The following ASB15 variants were observed in gnomAD, a reference collection of about 807,000 sequenced individuals.
The protein encoded by ASB15 is ankyrin repeat and SOCS box containing 15, also known as ankyrin repeat and SOCS box protein 15.
In ASB15, 54 loss-of-function variants were observed where a neutral mutation model predicts 58.0. The ratio of observed to expected loss-of-function variants is 0.93; its 90% CI spans 0.75 to 1.17. ASB15 has a LOEUF of 1.17. Among genes scored for constraint, ASB15 ranks in the 50% most tolerant of loss-of-function variants. The pLI, the probability that ASB15 is intolerant of heterozygous loss-of-function variation, is 0.00. For synonymous variants in ASB15, 249 were observed against 262.4 expected (o/e 0.95, Z 0.50); for missense variants, 680 against 707.4 (o/e 0.96, Z 0.44).
At chr7:123,580,551 T>C (rs554983485) in intron 1 of ASB15, among the ~76,000 whole-genome samples, 1 of 152,162 alleles carries the variant, frequency 6.6e-6, no homozygotes, top group African/African-American at 2.4e-5. Flanking sequence ...TTTGCAAGAA[T>C]GCCATGAGGT....
Position 123,627,120 on chromosome 7 carries a change from G to A in ASB15, c.708G>A (p.Val236=), listed in dbSNP as rs762256782. ...GTTTTATACTGCCAGGTGGTGATGT[G>A]CTTGCTTTGGCGGATGATGGGGCGT... ...LEHLIHKGGD[V]LALADDGASV... Residue 236 remains valine (V), a synonymous_variant, in exon 9 of 12, where the codon GTG becomes GTA. Transcript: ENST00000451215. 1 of 1,613,022 alleles carries A rather than the reference G, an allele frequency of 6.2e-7. No individual in the cohort carries two copies. The highest frequency in any genetic ancestry group is 2.2e-5 in the East Asian group (1 of 44,860).
intron 6 of ASB15, among the ~76,000 whole-genome samples, chr7:123,617,214 A>G (rs1800875778): frequency 6.6e-6 from 1 of 152,212 alleles, no homozygotes; most frequent in South Asian, 2.1e-4. Context: ...ACATTCAAGT[A>G]CATTCTCCAT....
chr7:123,627,717 T>C (rs913825418), intron 9 of ASB15, among the ~76,000 whole-genome samples: 1 of 152,224 alleles, frequency 6.6e-6, no homozygotes, highest in Non-Finnish European at 1.5e-5. Flanking sequence ...ATGTCAAATG[T>C]ATTGTTGAAT....
At chr7:123,613,007 G>A (rs1306186877) in intron 3 of ASB15, among the ~76,000 whole-genome samples, 1 of 151,900 alleles carries the variant, frequency 6.6e-6, no homozygotes, top group Non-Finnish European at 1.5e-5. Context: ...AGATACCACA[G>A]TGTCAGGGAA....
chr7:123,616,159 T>C, intron 4 of ASB15, 62 bp from the exon 5 acceptor site: 1 of 1,314,698 alleles, frequency 7.6e-7, no homozygotes, highest in South Asian at 1.3e-5. Flanking sequence ...AATTAAAATG[T>C]TTGGTTCCTT....
Position 123,630,119 on chromosome 7 carries a change from G to A in ASB15, c.1594G>A (p.Glu532Lys), listed in dbSNP as rs2116657354. ...ATGGCCAGAAATCCGCCAAATACTA[G>A]GTAAAAACCAAAAGTTTTGCCTACA... ...REWPEIRQIL[E>K]NPCSLKHLCR... is the part of the protein sequence containing the mutation. Residue 532 changes from glutamate to lysine, a missense_variant and splice_region_variant, in exon 11 of 12, where the codon GAG becomes AAG. Glu to Lys is a moderately conservative substitution (Grantham distance 56). Coordinates refer to ENST00000451215, the MANE Select transcript of ASB15 (RefSeq NM_001290258.2). 6.4e-7 allele frequency: 1 copy of A among 1,562,362 alleles called. No individual in the cohort carries two copies. The highest frequency in any genetic ancestry group is 8.7e-7 in the Non-Finnish European group (1 of 1,152,534).
At position 123,580,836 on chromosome 7, in the gene ASB15, A is replaced by G. The variant is rs183814579; in HGVS notation, c.-443+13748A>G. 1.4e-4 allele frequency among the ~76,000 whole-genome samples: 21 copies of G among 152,160 alleles called. No individual in the cohort carries two copies. The East Asian group carries it at 1.9e-3, about 14-fold the overall frequency. On this transcript the variant is annotated intron_variant, in intron 1 of 13. Coordinates refer to the ASB15 transcript ENST00000451558. The stretch of plus-strand genomic sequence containing the variant: ...AATCTAAATAAACATAGCCATCATT[A>G]TAATTATTATACCGCAAACCACTAA...
chr7:123,601,805 C>T (rs1029400736), upstream of ASB15: 5 of 152,246 alleles, frequency 3.3e-5, no homozygotes, highest in African/African-American at 9.6e-5. Context: ...TAACCACCAA[C>T]TGGATACTTA....
chr7:123,609,876 T>C (rs1185864229), intron 3 of ASB15, among the ~76,000 whole-genome samples: 1 of 152,176 alleles, frequency 6.6e-6, no homozygotes, highest in Non-Finnish European at 1.5e-5. Context: ...CACTCCTGCA[T>C]CATATTTTTC....
At chr7:123,601,263 A>T (rs1042098806), upstream of ASB15, among the ~76,000 whole-genome samples, 1 of 152,152 alleles carries the variant, frequency 6.6e-6, no homozygotes, top group African/African-American at 2.4e-5. Flanking sequence ...TTATTAATAC[A>T]TTTGCTACTC....
rs1562941217 is a variant in ASB15 at position 123,630,062 on chromosome 7, A to G, written c.1537A>G (p.Lys513Glu). Residue 513 changes from lysine to glutamate, a missense_variant, in exon 11 of 12, where the codon AAA (lysine) becomes GAA (glutamate). Physicochemically the swap from Lys to Glu is moderately conservative, Grantham distance 56 (BLOSUM62 1). Coordinates refer to ENST00000451215, the MANE Select transcript of ASB15 (RefSeq NM_001290258.2). ...DYMDYVPLCA[K>E]LKSALEVQRE... The stretch of plus-strand genomic sequence containing the variant: ...CATGGATTATGTTCCTCTGTGTGCT[A>G]AACTGAAGTCTGCACTAGAAGTACA... 7 of 1,609,228 alleles carry G rather than the reference A, an allele frequency of 4.3e-6. No homozygotes were observed. The highest frequency in any genetic ancestry group is 5.9e-6 in the Non-Finnish European group (7 of 1,176,736).
At chr7:123,601,549 C>T (rs567963309), upstream of ASB15, among the ~76,000 whole-genome samples, 2 of 152,252 alleles carry the variant, frequency 1.3e-5, no homozygotes, top group East Asian at 3.9e-4. Flanking sequence ...GAACAAATAC[C>T]TTTAAATTGT....
At chr7:123,617,275 T>C (rs559095221) in intron 6 of ASB15, among the ~76,000 whole-genome samples, 1 of 152,288 alleles carries the variant, frequency 6.6e-6, no homozygotes, top group East Asian at 1.9e-4. Context: ...AGTTACAATA[T>C]AAATTATAAT....
In ASB15 at chr7:123,611,119, A is replaced by G. The variant is rs1465120424; in HGVS notation, c.-3+2465A>G. 2.7e-5 allele frequency among the ~76,000 whole-genome samples: 4 copies of G among 150,236 alleles called. No homozygotes were observed. In the East Asian group the frequency reaches 5.9e-4, roughly 22 times the overall value. The stretch of plus-strand genomic sequence containing the variant: ...AAAAAAAAAAAGAAAAGAAAAATCA[A>G]TTTTCTCTAGACTGAGAAGTGGGAT... On this transcript the variant is annotated intron_variant, in intron 3 of 11. Transcript: ENST00000451215.
chr7:123,620,533 TA>T (rs1801209378), intron 7 of ASB15, among the ~76,000 whole-genome samples: 1 of 20,634 alleles, frequency 4.8e-5, no homozygotes, highest in Non-Finnish European at 1.1e-4. Flanking sequence ...TATATATATA[TA>T]TATATATATA....
chr7:123,618,691 A>T (rs1000892930), intron 7 of ASB15, among the ~76,000 whole-genome samples: 1 of 152,170 alleles, frequency 6.6e-6, no homozygotes, highest in Non-Finnish European at 1.5e-5. Flanking sequence ...GAAAGACGTT[A>T]AAGGTCATAA....
At chr7:123,591,709 T>A (rs1799544061) in intron 1 of ASB15, among the ~76,000 whole-genome samples, 2 of 152,316 alleles carry the variant, frequency 1.3e-5, no homozygotes, top group East Asian at 3.9e-4. Flanking sequence ...GCCAGTGTTT[T>A]ACTGAGGATT....
At chr7:123,583,197 C>T (rs928450911) in intron 1 of ASB15, among the ~76,000 whole-genome samples, 14 of 151,766 alleles carry the variant, frequency 9.2e-5, no homozygotes, top group Admixed American at 9.2e-4. Context: ...TCAAGATCAG[C>T]TGGGGCAATT....
At chr7:123,589,283 T>C (rs961519810) in intron 1 of ASB15, among the ~76,000 whole-genome samples, 1 of 149,012 alleles carries the variant, frequency 6.7e-6, no homozygotes, top group Non-Finnish European at 1.5e-5. Context: ...TTCATCATTA[T>C]ATAATGACTT....
Sources: allele counts gnomAD v4.1 joint callset (sites outside exome capture counted in the v4.1 genomes callset), GRCh38; gene constraint gnomAD v4.1.1; transcripts MANE v1.5; gene names NCBI Gene and HGNC (gene_info 2026-07-23, HGNC 2026-07-21).